SH3D19: variants seen among roughly 807,000 people sequenced by gnomAD.
The protein encoded by SH3D19 is SH3 domain containing 19.
A neutral mutation model predicts 112.1 loss-of-function variants in SH3D19; 58 were observed. The observed-to-expected ratio is 0.52, with a 90% confidence interval of 0.42 to 0.64. SH3D19 has a LOEUF of 0.64. SH3D19 is among the 30% of genes least tolerant of loss of function. The pLI is 0.00. For synonymous variants in SH3D19, 391 were observed against 448.5 expected (o/e 0.87, Z 1.62); for missense variants, 1,090 against 1,263.4 (o/e 0.86, Z 2.08).
intron 14 of SH3D19, 44 bp downstream of exon 14, chr4:151,137,688 C>T (rs1344688002): frequency 1.3e-6 from 2 of 1,497,538 alleles, no homozygotes; most frequent in South Asian, 2.8e-5. Context: ...CACATAGAAC[C>T]CACTGAGTAT....
intron 3 of SH3D19, 76 bp downstream of exon 3, chr4:151,187,347 A>G (rs1262833187): frequency 4.4e-6 from 4 of 910,382 alleles, no homozygotes; most frequent in Admixed American, 8.6e-5. Flanking sequence ...GTCAAATACA[A>G]TCACCTGCTG....
At chr4:151,144,215 T>A in intron 11 of SH3D19, 165 bp from the exon 12 acceptor site, 1 of 1,612,656 alleles carries the variant, frequency 6.2e-7, no homozygotes, top group Non-Finnish European at 8.5e-7. Context: ...AGAGCTCTAC[T>A]TTACCTTACA....
intron 1 of SH3D19, among the ~76,000 whole-genome samples, chr4:151,255,246 C>A (rs1292813732): frequency 6.7e-6 from 1 of 148,198 alleles, no homozygotes; most frequent in African/African-American, 2.5e-5. Context: ...GGCTGCCGGG[C>A]GGAGGGGCTC....
intron 1 of SH3D19, among the ~76,000 whole-genome samples, chr4:151,258,449 G>A (rs542442884): frequency 6.6e-6 from 1 of 152,322 alleles, no homozygotes; most frequent in African/African-American, 2.4e-5. Flanking sequence ...AGAATTAAAT[G>A]GGCACACCAG....
chr4:151,179,543 T>A (rs1760493038), intron 3 of SH3D19, 146 bp from the exon 4 acceptor site: 2 of 406,368 alleles, frequency 4.9e-6, no homozygotes, highest in Non-Finnish European at 4.2e-6. Context: ...AAAAAGTAAA[T>A]CAAAACAATC....
At chr4:151,200,770 C>A (rs143616161) in intron 2 of SH3D19, among the ~76,000 whole-genome samples, 2 of 152,222 alleles carry the variant, frequency 1.3e-5, no homozygotes, top group African/African-American at 2.4e-5. Flanking sequence ...TGAAAACTAT[C>A]ATCTGAATCA....
intron 1 of SH3D19, among the ~76,000 whole-genome samples, chr4:151,299,821 C>T (rs4529031): frequency 0.87 from 132,197 of 152,020 alleles, 58,397 homozygotes; most frequent in Non-Finnish European, 0.96. Context: ...GAAAAATACG[C>T]TAACCCATTT....
chr4:151,299,352 G>A (rs1035098467), intron 1 of SH3D19, among the ~76,000 whole-genome samples: 7 of 152,118 alleles, frequency 4.6e-5, no homozygotes, highest in East Asian at 1.9e-4. Context: ...AGGCCGAGGC[G>A]GGCGGATCAC....
chr4:151,273,180 A>C (rs1044600502), intron 1 of SH3D19, among the ~76,000 whole-genome samples: 2 of 152,176 alleles, frequency 1.3e-5, no homozygotes, highest in African/African-American at 2.4e-5. Flanking sequence ...AACAGATACC[A>C]AAACTGAAAT....
At chr4:151,223,273 G>T (rs1768414667) in intron 2 of SH3D19, among the ~76,000 whole-genome samples, 2 of 150,994 alleles carry the variant, frequency 1.3e-5, no homozygotes, top group African/African-American at 2.4e-5. Context: ...TGCCACTGAT[G>T]ATCTTTGCCT....
At position 151,250,672 on chromosome 4, in the gene SH3D19, GC is replaced by G. The variant is rs113890706; in HGVS notation, c.113-24587del. On this transcript the variant is annotated intron_variant, in intron 1 of 19. Coordinates refer to ENST00000604030, the MANE Select transcript of SH3D19 (RefSeq NM_001378122.1). ...AAGAAAAAACCCAACCATATATTATGCCCAGCAGGCACCAGAAGAAGAGGAG... is the reference window on the plus strand; with the variant it reads ...AAGAAAAAACCCAACCATATATTATGCCAGCAGGCACCAGAAGAAGAGGAG... 3.5e-3 allele frequency among the ~76,000 whole-genome samples: 532 copies of G among 152,232 alleles called. 4 individuals are homozygous for G. Among genetic ancestry groups the G allele is most frequent in the African/African-American group, 0.012 (511 of 41,544 alleles).
At chr4:151,236,366 G>A (rs550093987) in intron 1 of SH3D19, among the ~76,000 whole-genome samples, 63 of 152,386 alleles carry the variant, frequency 4.1e-4, no homozygotes, top group African/African-American at 1.4e-3. Flanking sequence ...TGGGGGATGA[G>A]CTCCCTCTGG....
chr4:151,188,213 T>C (rs1762086807), intron 2 of SH3D19, among the ~76,000 whole-genome samples: 1 of 152,156 alleles, frequency 6.6e-6, no homozygotes, highest in African/African-American at 2.4e-5. Context: ...ACTAAGACAA[T>C]ACTATTGTGT....
At position 151,149,439 on chromosome 4, in the gene SH3D19, T is replaced by C. The variant is rs955298753; in HGVS notation, c.1817+61A>G. ...GGCCAACAACACTCAATCTTGGTGA[T>C]AAAAAAGAGTTGGGTCTCTGAGTCA... is the stretch of plus-strand genomic sequence containing the variant. On this transcript the variant is annotated intron_variant, in intron 10 of 19. Coordinates refer to ENST00000604030, the MANE Select transcript of SH3D19 (RefSeq NM_001378122.1). 60 of 1,350,698 alleles carry C rather than the reference T, an allele frequency of 4.4e-5. 1 individual carries two copies. In the Middle Eastern group the frequency reaches 5.4e-4, roughly 12 times the overall value. The allele number at this position is 1,350,698 out of a possible 1,614,324, so 83.7% of individuals were successfully genotyped here.
intron 1 of SH3D19, chr4:151,259,406 T>C (rs1189978208): frequency 6.6e-6 from 1 of 152,264 alleles, no homozygotes; most frequent in African/African-American, 2.4e-5. Flanking sequence ...GAAATGACCA[T>C]GGAGGGGTGA....
chr4:151,323,984 C>A (rs1730797608), intron 1 of SH3D19, among the ~76,000 whole-genome samples: 1 of 152,130 alleles, frequency 6.6e-6, no homozygotes, highest in African/African-American at 2.4e-5. Flanking sequence ...TGTACTCTTG[C>A]AAGAAATATT....
At chr4:151,314,648 C>T (rs545706695) in intron 1 of SH3D19, among the ~76,000 whole-genome samples, 2 of 152,376 alleles carry the variant, frequency 1.3e-5, no homozygotes, top group Admixed American at 1.3e-4. Context: ...GAACTGCCTT[C>T]AGCTGCCAGC....
intron 2 of SH3D19, among the ~76,000 whole-genome samples, chr4:151,221,441 C>T (rs951323246): frequency 1.3e-5 from 2 of 152,218 alleles, no homozygotes; most frequent in South Asian, 2.1e-4. Context: ...GAGAACAGGT[C>T]ACCGCCAATG....
intron 1 of SH3D19, among the ~76,000 whole-genome samples, chr4:151,294,838 A>G (rs1283850070): frequency 6.6e-6 from 1 of 152,240 alleles, no homozygotes; most frequent in Non-Finnish European, 1.5e-5. Context: ...ATAAAATAAG[A>G]GAAGCAGATA....
Sources: allele counts gnomAD v4.1 joint callset (sites outside exome capture counted in the v4.1 genomes callset), GRCh38; gene constraint gnomAD v4.1.1; transcripts MANE v1.5; gene names NCBI Gene and HGNC (gene_info 2026-07-23, HGNC 2026-07-21).